The following ZNF423 variants were observed in gnomAD, a reference collection of about 807,000 sequenced individuals.
The protein encoded by ZNF423 is zinc finger protein 423.
ZNF423 carries 12 observed loss-of-function variants against 95.8 expected under a neutral mutation model. The observed-to-expected ratio is 0.13, with a 90% CI of 0.08 to 0.20. The LOEUF is 0.20. Ranked by LOEUF, ZNF423 falls within the 10% of genes least tolerant of loss-of-function variation. The pLI is 1.00. For missense variants in ZNF423, 1,316 were observed against 1,737.1 expected (o/e 0.76, Z 4.31); for synonymous variants, 749 against 711.9 (o/e 1.05, Z -0.83).
At chr16:49,520,497 T>G (rs1567440256) in intron 7 of ZNF423, among the ~76,000 whole-genome samples, 1 of 152,214 alleles carries the variant, frequency 6.6e-6, no homozygotes, top group Non-Finnish European at 1.5e-5. Flanking sequence ...AAACTTCTAT[T>G]CCTGCAGCAG....
At chr16:49,665,872 A>G (rs1195975129) in intron 3 of ZNF423, among the ~76,000 whole-genome samples, 2 of 152,240 alleles carry the variant, frequency 1.3e-5, no homozygotes, top group South Asian at 2.1e-4. Flanking sequence ...AAGAAAATTA[A>G]TAAATAAATA....
At chr16:49,844,527 C>A (rs1185849784) in intron 1 of ZNF423, among the ~76,000 whole-genome samples, 1 of 152,166 alleles carries the variant, frequency 6.6e-6, no homozygotes, top group Admixed American at 6.5e-5. Context: ...GGGAGGGGCC[C>A]ACAAAGACTG....
Position 49,635,553 on chromosome 16 carries a change from T to TC in ZNF423, c.3516+106_3516+107insG. The stretch of plus-strand genomic sequence containing the variant: ...GCAGTTCTGTTTTGCCACTGCGCGA[T>TC]AGCGCCGCTTCTTGGAAACACGGCA... On this transcript the variant is annotated intron_variant, in intron 4 of 7. Coordinates refer to ENST00000563137, the MANE Select transcript of ZNF423 (RefSeq NM_001379286.1). This position sits in a 1 kb window ranked among gnomAD's most constrained non-coding sequence, Gnocchi z 4.8. 1.4e-6 allele frequency: 2 copies of TC among 1,428,174 alleles called. No homozygotes were observed. The highest frequency in any genetic ancestry group is 1.9e-6 in the Non-Finnish European group (2 of 1,074,024). The allele number at this position is 1,428,174 out of a possible 1,614,324, so 88.5% of individuals were successfully genotyped here. A position where few individuals can be genotyped will look rare whatever the true frequency, so the allele number is the denominator to read the frequency against.
intron 1 of ZNF423, among the ~76,000 whole-genome samples, chr16:49,820,913 T>C (rs1386028681): frequency 6.6e-6 from 1 of 152,220 alleles, no homozygotes; most frequent in African/African-American, 2.4e-5. Context: ...GTTCCATATG[T>C]CCACAAAATG....
intron 1 of ZNF423, among the ~76,000 whole-genome samples, chr16:49,842,413 GC>G (rs772454953): frequency 0.14 from 11,839 of 82,634 alleles, 690 homozygotes; most frequent in African/African-American, 0.2. Flanking sequence ...AGGAAGGAAG[GC>G]AGGCAGGCAG....
chr16:49,589,210 C>G (rs887189914), intron 5 of ZNF423, among the ~76,000 whole-genome samples: 2 of 152,214 alleles, frequency 1.3e-5, no homozygotes, highest in Non-Finnish European at 2.9e-5. Flanking sequence ...GAAAACCCAG[C>G]TCTCTAGGAT....
chr16:49,509,947 G>A (rs1967813198), intron 7 of ZNF423, among the ~76,000 whole-genome samples: 1 of 152,192 alleles, frequency 6.6e-6, no homozygotes, highest in South Asian at 2.1e-4. Flanking sequence ...AAGGCAAAAG[G>A]ATTCCCTTAG....
At chr16:49,790,403 A>G (rs2034393118) in intron 1 of ZNF423, among the ~76,000 whole-genome samples, 1 of 152,252 alleles carries the variant, frequency 6.6e-6, no homozygotes, top group African/African-American at 2.4e-5. Context: ...CTTTGCAGCC[A>G]TCACTGGGTT....
rs192338056 is a variant in ZNF423 at position 49,850,298 on chromosome 16, A to G, written c.40+5437T>C. On this transcript the variant is annotated intron_variant, in intron 1 of 7. Transcript: ENST00000563137. ...GCGGGATGTAACCAATCCAGGTTCA[A>G]TTCATCCATTTTGGGTGGGAAACTT... 1.1e-4 allele frequency among the ~76,000 whole-genome samples: 17 copies of G among 152,316 alleles called. No individual in the cohort carries two copies. In the East Asian group the frequency reaches 3.3e-3, roughly 29 times the overall value.
intron 1 of ZNF423, among the ~76,000 whole-genome samples, chr16:49,813,568 A>G (rs1346011919): frequency 6.6e-6 from 1 of 152,148 alleles, no homozygotes; most frequent in East Asian, 1.9e-4. Context: ...GAGACACGGG[A>G]GGTGACAAAC....
At chr16:49,689,019 T>C (rs1427689938) in intron 3 of ZNF423, among the ~76,000 whole-genome samples, 1 of 152,204 alleles carries the variant, frequency 6.6e-6, no homozygotes, top group Non-Finnish European at 1.5e-5. Flanking sequence ...TCAGGAGATC[T>C]TGGCCAGGAG....
At chr16:49,730,448 A>G (rs1335913218) in intron 3 of ZNF423, 1 of 380,438 alleles carries the variant, frequency 2.6e-6, no homozygotes, top group Non-Finnish European at 4.8e-6. Context: ...ACAACCTCTT[A>G]ATTACTGCGT....
intron 3 of ZNF423, among the ~76,000 whole-genome samples, chr16:49,694,862 G>C (rs567787462): frequency 6.6e-6 from 1 of 152,314 alleles, no homozygotes; most frequent in South Asian, 2.1e-4. Context: ...ACAAAATAGG[G>C]TCTGGTTTCA....
chr16:49,504,068 G>A lies in ZNF423; in HGVS notation c.3850-12764C>T, dbSNP rs545288276. Among the ~76,000 whole-genome samples, 11 of 152,334 alleles carry A rather than the reference G, an allele frequency of 7.2e-5. No individual in the cohort carries two copies. The East Asian group carries it at 1.7e-3, about 24-fold the overall frequency. Reference sequence around the variant, plus strand: ...AACAGCCAAATCATAGAGATGGAAAGTGGAACAGTGGCTGCTGGGGGCTGG... The same window carrying A: ...AACAGCCAAATCATAGAGATGGAAAATGGAACAGTGGCTGCTGGGGGCTGG... On this transcript the variant is annotated intron_variant, in intron 7 of 7. Coordinates refer to ENST00000563137, the MANE Select transcript of ZNF423 (RefSeq NM_001379286.1).
intron 5 of ZNF423, among the ~76,000 whole-genome samples, chr16:49,580,733 G>A (rs1253076293): frequency 6.6e-6 from 1 of 152,160 alleles, no homozygotes; most frequent in African/African-American, 2.4e-5. Context: ...GCCCCGAGAA[G>A]GCCCCAGAGA....
At chr16:49,639,858 AG>A (rs1180321875) in intron 3 of ZNF423, among the ~76,000 whole-genome samples, 1 of 152,202 alleles carries the variant, frequency 6.6e-6, no homozygotes, top group African/African-American at 2.4e-5. Context: ...AACAAACCTA[AG>A]GGTAGGCCGT....
At chr16:49,687,409 C>T (rs1049448643) in intron 3 of ZNF423, among the ~76,000 whole-genome samples, 2 of 152,192 alleles carry the variant, frequency 1.3e-5, no homozygotes, top group Non-Finnish European at 2.9e-5. Context: ...CAGGCAACCG[C>T]CTCTCCCCAC....
chr16:49,647,845 G>A (rs1194369462), intron 3 of ZNF423, among the ~76,000 whole-genome samples: 1 of 152,172 alleles, frequency 6.6e-6, no homozygotes, highest in Non-Finnish European at 1.5e-5. Context: ...TGTTACAGCA[G>A]TAATAGCAAA....
intron 7 of ZNF423, among the ~76,000 whole-genome samples, chr16:49,513,782 G>T (rs1968004694): frequency 6.6e-6 from 1 of 152,120 alleles, no homozygotes; most frequent in Non-Finnish European, 1.5e-5. Flanking sequence ...GGAATCAGGG[G>T]GGTTAAACCA....
Sources: allele counts gnomAD v4.1 joint callset (sites outside exome capture counted in the v4.1 genomes callset), GRCh38; gene constraint gnomAD v4.1.1; non-coding constraint Gnocchi (gnomAD v3.1); transcripts MANE v1.5; gene names NCBI Gene and HGNC (gene_info 2026-07-23, HGNC 2026-07-21).